Variants in TNN observed in about 807,000 individuals in gnomAD.
The protein encoded by TNN is tenascin N.
In TNN, 122 loss-of-function variants were observed where a neutral mutation model predicts 134.4. The observed-to-expected ratio is 0.91, with a 90% confidence interval of 0.78 to 1.06. TNN has a LOEUF of 1.06. Ranked by LOEUF, TNN falls within the 50% of genes least tolerant of loss-of-function variation. The pLI is 0.00. For synonymous variants in TNN, 710 were observed against 670.3 expected (o/e 1.06, Z -0.91); for missense variants, 1,739 against 1,699.4 (o/e 1.02, Z -0.41).
intron 7 of TNN, among the ~76,000 whole-genome samples, chr1:175,096,744 G>T (rs548335952): frequency 6.6e-6 from 1 of 152,290 alleles, no homozygotes; most frequent in South Asian, 2.1e-4. Context: ...TAACCTATGA[G>T]GTAGGTAGTG....
chr1:175,122,582 GA>G (rs776650833), intron 11 of TNN, among the ~76,000 whole-genome samples: 7 of 152,256 alleles, frequency 4.6e-5, no homozygotes, highest in Non-Finnish European at 8.8e-5. Flanking sequence ...ATGCCACCCA[GA>G]AGCAGTGTAA....
At chr1:175,133,171 A>G (rs1228807587) in intron 15 of TNN, among the ~76,000 whole-genome samples, 1 of 152,222 alleles carries the variant, frequency 6.6e-6, no homozygotes, top group Non-Finnish European at 1.5e-5. Context: ...TGTATTATCA[A>G]TTCCAATAGT....
rs908144794 is a variant in TNN, at chr1:175,126,262, C to T, written c.2915-693C>T. On this transcript the variant is annotated intron_variant, in intron 12 of 18. Coordinates refer to ENST00000239462, the MANE Select transcript of TNN (RefSeq NM_022093.2). ...GATGACAGGCGACCACCACCATACC[C>T]GGCTAATTTTTGTATGTTTGGTAGA... Among the ~76,000 whole-genome samples the T allele has an allele frequency of 3.9e-5, 6 of 151,918 alleles. 1 individual carries two copies. In the South Asian group the frequency reaches 6.3e-4, roughly 16 times the overall value.
At chr1:175,140,720 A>G (rs1446492119) in intron 17 of TNN, among the ~76,000 whole-genome samples, 2 of 152,232 alleles carry the variant, frequency 1.3e-5, no homozygotes, top group Admixed American at 1.3e-4. Context: ...ATTTTTTAAT[A>G]GGAGACTTTC....
intron 9 of TNN, among the ~76,000 whole-genome samples, chr1:175,100,265 C>T (rs932529506): frequency 2.0e-5 from 3 of 152,202 alleles, no homozygotes; most frequent in Admixed American, 2.0e-4. Context: ...TAGCAGCATC[C>T]CTGATGTCTC....
intron 9 of TNN, among the ~76,000 whole-genome samples, chr1:175,114,874 A>G (rs12082750): frequency 0.75 from 113,556 of 151,914 alleles, 43,670 homozygotes; most frequent in African/African-American, 0.94. Context: ...GGGGATTCTA[A>G]ACTCTACAAT....
At chr1:175,090,408 C>G (rs879523295) in intron 6 of TNN, among the ~76,000 whole-genome samples, 2 of 151,582 alleles carry the variant, frequency 1.3e-5, no homozygotes, top group Admixed American at 1.3e-4. Context: ...CAAGGCACCT[C>G]TTCCAGGAAC....
rs1292327130 is a variant in TNN at position 175,147,500 on chromosome 1, G to C, written c.*429G>C. On this transcript the variant is annotated 3_prime_UTR_variant, in exon 19 of 19. Transcript: ENST00000239462. The stretch of plus-strand genomic sequence containing the variant: ...CTGATGACCCAGGGGTTAGGGCTGA[G>C]ACAACCGGACGTTTGTCACCTCCTT... The C allele has an allele frequency of 6.5e-6, 1 of 154,208 alleles. No individual in the cohort carries two copies. The highest frequency in any genetic ancestry group is 2.4e-5 in the African/African-American group (1 of 41,538). The allele number at this position is 154,208 out of a possible 1,614,324, so 9.6% of individuals were successfully genotyped here.
Position 175,079,387 on chromosome 1 carries a change from G to A in TNN, c.464G>A (p.Cys155Tyr), listed in dbSNP as rs1330327098. The A allele has an allele frequency of 6.3e-7, 1 of 1,599,726 alleles. No homozygotes were observed. Among genetic ancestry groups the A allele is most frequent in the Non-Finnish European group, 8.5e-7 (1 of 1,176,990 alleles). Residue 155 changes from cysteine (C) to tyrosine (Y), a missense_variant, in exon 3 of 19, where the codon TGC becomes TAC. Cys to Tyr is a radical substitution (Grantham distance 194, BLOSUM62 -2). Transcript: ENST00000239462. The part of the protein sequence containing the change: ...HGTFSLETCS[C>Y]HCEEGREGPA... ...ACCTTCTCCCTGGAGACCTGCAGCT[G>A]CCACTGCGAAGAGGGCAGGGAGGGC...
intron 18 of TNN, among the ~76,000 whole-genome samples, chr1:175,144,824 T>C (rs998197011): frequency 2.0e-5 from 3 of 152,272 alleles, no homozygotes; most frequent in African/African-American, 7.2e-5. Context: ...TGACAGATGA[T>C]GTGCTCTGCA....
intron 6 of TNN, among the ~76,000 whole-genome samples, chr1:175,092,523 C>A (rs763252): frequency 0.55 from 83,454 of 152,086 alleles, 23,487 homozygotes; most frequent in African/African-American, 0.69. Flanking sequence ...GTCACAGTAA[C>A]CTTTCAGTTC....
At chr1:175,093,512 T>G (rs1297727513) in intron 6 of TNN, among the ~76,000 whole-genome samples, 2 of 152,156 alleles carry the variant, frequency 1.3e-5, no homozygotes, top group African/African-American at 4.8e-5. Flanking sequence ...GAGATTTGTA[T>G]TTGAAAAGAG....
At chr1:175,103,339 G>A (rs1674776310) in intron 9 of TNN, among the ~76,000 whole-genome samples, 1 of 146,348 alleles carries the variant, frequency 6.8e-6, no homozygotes, top group African/African-American at 2.5e-5. Context: ...CTTCCCCTAA[G>A]AAGGTGTAGT....
chr1:175,146,957 A>T lies in TNN; in HGVS notation c.3786A>T (p.Gly1262=). The change falls in exon 19 of 19, where the codon GGA becomes GGT. Residue 1262 remains glycine, a synonymous_variant. Transcript: ENST00000239462. The part of the protein sequence containing the change: ...SEGVNWEPWK[G]HEFSIPYVEL... ...GGGTGAACTGGGAGCCTTGGAAAGG[A>T]CATGAATTCTCCATTCCTTACGTGG... 1 of 1,568,096 alleles carries T rather than the reference A, an allele frequency of 6.4e-7. No individual in the cohort carries two copies. The highest frequency in any genetic ancestry group is 1.1e-5 in the South Asian group (1 of 87,490).
intron 9 of TNN, among the ~76,000 whole-genome samples, chr1:175,112,921 C>T (rs868216674): frequency 6.6e-6 from 1 of 152,084 alleles, no homozygotes; most frequent in Admixed American, 6.5e-5. Context: ...TATGCCCGGC[C>T]TCAGCAAGTC....
At chr1:175,095,676 C>G (rs568056327) in intron 7 of TNN, among the ~76,000 whole-genome samples, 1 of 152,164 alleles carries the variant, frequency 6.6e-6, no homozygotes, top group African/African-American at 2.4e-5. Context: ...CGGGTTCAAG[C>G]GATTCTCCTG....
intron 11 of TNN, among the ~76,000 whole-genome samples, chr1:175,119,158 G>GA (rs900502490): frequency 6.6e-6 from 1 of 152,204 alleles, no homozygotes; most frequent in African/African-American, 2.4e-5. Context: ...AGGAATAAAA[G>GA]AATGGCTACT....
At chr1:175,136,578 G>T (rs1022239710) in intron 16 of TNN, among the ~76,000 whole-genome samples, 6 of 152,194 alleles carry the variant, frequency 3.9e-5, no homozygotes, top group Admixed American at 2.6e-4. Context: ...TGGAGCCAAT[G>T]GAGGCAGATT....
At chr1:175,127,310 T>C (rs758293615) in intron 13 of TNN, among the ~76,000 whole-genome samples, 45 of 152,240 alleles carry the variant, frequency 3.0e-4, no homozygotes, top group Non-Finnish European at 5.0e-4. Flanking sequence ...CTAAAGTGCA[T>C]AGGACAGTGC....
Sources: allele counts gnomAD v4.1 joint callset (sites outside exome capture counted in the v4.1 genomes callset), GRCh38; gene constraint gnomAD v4.1.1; transcripts MANE v1.5; gene names NCBI Gene and HGNC (gene_info 2026-07-23, HGNC 2026-07-21).